The following PDE10A variants were observed in gnomAD, a reference collection of about 807,000 sequenced individuals.
PDE10A encodes cAMP and cAMP-inhibited cGMP 3',5'-cyclic phosphodiesterase 10A.
PDE10A carries 39 observed loss-of-function variants against 97.7 expected under a neutral mutation model. That is an observed-to-expected ratio of 0.40 (90% CI 0.31 to 0.52). The LOEUF is 0.52. PDE10A is among the 20% of genes least tolerant of loss of function. The pLI is 0.56. For synonymous variants in PDE10A, 371 were observed against 376.8 expected, an observed-to-expected ratio of 0.98 and a Z score of 0.18; for missense variants, 731 against 1,047.8, an observed-to-expected ratio of 0.70 and a Z score of 4.17.
intron 1 of PDE10A, among the ~76,000 whole-genome samples, chr6:165,879,968 T>C (rs1781434242): frequency 6.6e-6 from 1 of 152,022 alleles, no homozygotes; most frequent in South Asian, 2.1e-4. Flanking sequence ...AAATTTATCC[T>C]AACAAACTTG....
intron 1 of PDE10A, among the ~76,000 whole-genome samples, chr6:165,703,446 G>C (rs1486363036): frequency 6.6e-6 from 1 of 152,204 alleles, no homozygotes; most frequent in Non-Finnish European, 1.5e-5. Flanking sequence ...GGCTCCTTTT[G>C]TCACTCACAC....
rs1277855424 is a variant in PDE10A, at chr6:165,744,175, AT to A, written c.-614-200608del. On this transcript the variant is annotated intron_variant, in intron 1 of 19. Transcript: ENST00000366882. The stretch of plus-strand genomic sequence containing the variant: ...TACATATTTCTGAAACAATTTATTC[AT>A]TTTTATAAGGACAATTGTCTACAGA... Among the ~76,000 whole-genome samples the A allele has an allele frequency of 3.3e-5, 5 of 152,346 alleles. No individual in the cohort carries two copies. The Middle Eastern group carries it at 0.014, about 415-fold the overall frequency.
chr6:165,731,169 G>A (rs1244394732), intron 1 of PDE10A, among the ~76,000 whole-genome samples: 24 of 152,330 alleles, frequency 1.6e-4, no homozygotes, highest in Admixed American at 1.1e-3. Context: ...CGTGGCCCCC[G>A]GAGGGAAGCA....
intron 1 of PDE10A, among the ~76,000 whole-genome samples, chr6:165,555,494 C>T (rs1487700801): frequency 2.0e-5 from 3 of 152,110 alleles, no homozygotes; most frequent in Non-Finnish European, 2.9e-5. Context: ...TTCATCAAAA[C>T]AGTAGCACCA....
chr6:165,708,069 T>C (rs1791764112), intron 1 of PDE10A, among the ~76,000 whole-genome samples: 3 of 152,210 alleles, frequency 2.0e-5, no homozygotes, highest in Non-Finnish European at 4.4e-5. Flanking sequence ...TCCATTTCTC[T>C]GTTCTTTAAA....
chr6:165,453,361 C>A (rs1211962203), intron 3 of PDE10A, among the ~76,000 whole-genome samples: 1 of 152,152 alleles, frequency 6.6e-6, no homozygotes, highest in African/African-American at 2.4e-5. Context: ...GGCAACTGAC[C>A]ATTTTCTAAA....
chr6:165,904,878 A>T (rs372714378), intron 1 of PDE10A, among the ~76,000 whole-genome samples: 1 of 152,212 alleles, frequency 6.6e-6, no homozygotes, highest in Non-Finnish European at 1.5e-5. Flanking sequence ...ACATTCAAAG[A>T]CTTTCACTGA....
intron 2 of PDE10A, among the ~76,000 whole-genome samples, chr6:165,496,400 C>T (rs1237919374): frequency 6.6e-6 from 1 of 152,196 alleles, no homozygotes; most frequent in African/African-American, 2.4e-5. Context: ...CTTCAAATCT[C>T]AGCTTCACTT....
intron 1 of PDE10A, among the ~76,000 whole-genome samples, chr6:165,855,748 A>G (rs960468058): frequency 6.6e-6 from 1 of 152,052 alleles, no homozygotes. Context: ...AGGAGCCCGC[A>G]ACGGGTGAGC....
chr6:165,410,548 A>G (rs2128225927), intron 13 of PDE10A, among the ~76,000 whole-genome samples: 1 of 152,314 alleles, frequency 6.6e-6, no homozygotes, highest in East Asian at 1.9e-4. Context: ...AGAAAGAGAC[A>G]GACAGAATGA....
intron 1 of PDE10A, among the ~76,000 whole-genome samples, chr6:165,944,133 G>A (rs1197178382): frequency 6.6e-6 from 1 of 152,106 alleles, no homozygotes; most frequent in Non-Finnish European, 1.5e-5. Context: ...ACAAAAAGGG[G>A]GGAAATCCCT....
At chr6:165,693,053 C>T (rs1458202341) in intron 1 of PDE10A, among the ~76,000 whole-genome samples, 1 of 152,112 alleles carries the variant, frequency 6.6e-6, no homozygotes, top group Non-Finnish European at 1.5e-5. Context: ...CTAGGTGTCA[C>T]ATTTTAATTT....
chr6:165,464,909 C>G (rs924914104), intron 3 of PDE10A, among the ~76,000 whole-genome samples: 1 of 152,162 alleles, frequency 6.6e-6, no homozygotes, highest in African/African-American at 2.4e-5. Context: ...CATACTATTG[C>G]TGGACATTTG....
chr6:165,352,885 T>C (rs572495792), intron 18 of PDE10A, among the ~76,000 whole-genome samples: 9 of 152,142 alleles, frequency 5.9e-5, no homozygotes, highest in Middle Eastern at 3.4e-3. Context: ...CAAAAGATAC[T>C]GTCAAAAGAG....
intron 1 of PDE10A, among the ~76,000 whole-genome samples, chr6:165,645,823 T>C (rs1182990436): frequency 1.5e-5 from 2 of 130,140 alleles, no homozygotes; most frequent in Non-Finnish European, 3.1e-5. Context: ...CACTGTACTC[T>C]AGCCTGGGCA....
intron 3 of PDE10A, among the ~76,000 whole-genome samples, chr6:165,481,754 T>A (rs1045576255): frequency 1.4e-5 from 2 of 143,090 alleles, no homozygotes; most frequent in Admixed American, 1.4e-4. Flanking sequence ...AACTAGGCCA[T>A]GAAAACAGTA....
intron 1 of PDE10A, among the ~76,000 whole-genome samples, chr6:165,789,606 T>C (rs1287359523): frequency 6.6e-6 from 1 of 152,254 alleles, no homozygotes; most frequent in Non-Finnish European, 1.5e-5. Context: ...ACTAATTGCA[T>C]GGATTGTTCT....
chr6:165,820,887 C>CACAT (rs1287431588), intron 1 of PDE10A, among the ~76,000 whole-genome samples: 2 of 152,214 alleles, frequency 1.3e-5, no homozygotes, highest in African/African-American at 4.8e-5. Context: ...TCAGTAGGAA[C>CACAT]ACATATTTGA....
chr6:165,452,901 G>GAGA (rs1777720230), intron 3 of PDE10A, among the ~76,000 whole-genome samples: 1 of 140,688 alleles, frequency 7.1e-6, no homozygotes, highest in African/African-American at 2.6e-5. Flanking sequence ...TGAGGGTTTA[G>GAGA]AAAAAAAAAA....
Sources: gnomAD v4.1 joint callset for allele counts (sites outside exome capture counted in the v4.1 genomes callset) on GRCh38, gnomAD v4.1.1 for gene constraint, MANE v1.5 for transcripts, NCBI Gene and HGNC (gene_info 2026-07-23, HGNC 2026-07-21) for gene names.